MRTFA: variants seen among roughly 807,000 people sequenced by gnomAD.
MRTFA encodes the protein myocardin related transcription factor A.
Under a neutral mutation model 83.5 loss-of-function variants are expected in MRTFA, and 20 were observed. The ratio of observed to expected loss-of-function variants is 0.24; its 90% CI spans 0.17 to 0.35. The LOEUF (loss-of-function observed/expected upper bound fraction) is 0.35, where lower values mean the gene tolerates loss of function less well. Among genes scored for constraint, MRTFA ranks in the 10% least tolerant of loss-of-function variants. MRTFA has a pLI of 1.00. For synonymous variants in MRTFA, 659 were observed against 541.2 expected (o/e 1.22, Z -3.02); for missense variants, 1,200 against 1,224.7 (o/e 0.98, Z 0.30).
chr22:40,524,754 C>T (rs963599463), intron 3 of MRTFA, among the ~76,000 whole-genome samples: 3 of 152,166 alleles, frequency 2.0e-5, no homozygotes, highest in African/African-American at 7.2e-5. Context: ...CTGTACCTAC[C>T]TGTGTATGTG....
chr22:40,419,462 G>A (rs1602209667), intron 11 of MRTFA, 78 bp from the exon 12 acceptor site: 4 of 1,318,278 alleles, frequency 3.0e-6, no homozygotes, highest in East Asian at 2.3e-5. Flanking sequence ...GGGCAGTCTG[G>A]GCCCCATGGG....
chr22:40,516,656 C>T (rs891366921), intron 3 of MRTFA, among the ~76,000 whole-genome samples: 10 of 152,000 alleles, frequency 6.6e-5, no homozygotes, highest in African/African-American at 2.2e-4. Flanking sequence ...TGGCAAGACA[C>T]GCTAGAAGTT....
At chr22:40,628,556 G>A (rs1020155147) in intron 1 of MRTFA, among the ~76,000 whole-genome samples, 5 of 151,792 alleles carry the variant, frequency 3.3e-5, no homozygotes, top group African/African-American at 1.2e-4. Flanking sequence ...CTCATTACAA[G>A]CTCTCATTTA....
chr22:40,445,204 GAACA>G (rs1371475208), intron 4 of MRTFA, among the ~76,000 whole-genome samples: 1 of 152,110 alleles, frequency 6.6e-6, no homozygotes, highest in Non-Finnish European at 1.5e-5. Context: ...AACACTGAAA[GAACA>G]AATAATGAAC....
intron 3 of MRTFA, among the ~76,000 whole-genome samples, chr22:40,489,927 G>A (rs376046739): frequency 7.1e-4 from 94 of 132,562 alleles, no homozygotes; most frequent in African/African-American, 2.4e-3. Context: ...GGCAGAGATC[G>A]CGCCACTGCA....
chr22:40,451,286 T>C (rs1190080215), intron 4 of MRTFA, among the ~76,000 whole-genome samples: 1 of 152,132 alleles, frequency 6.6e-6, no homozygotes, highest in African/African-American at 2.4e-5. Flanking sequence ...CTGACCATGA[T>C]AAATGAGCAC....
chr22:40,604,767 T>A (rs2056300147), intron 1 of MRTFA, among the ~76,000 whole-genome samples: 2 of 151,938 alleles, frequency 1.3e-5, no homozygotes, highest in Non-Finnish European at 2.9e-5. Context: ...AAAAAAGAGA[T>A]ACCTAAATTC....
At chr22:40,423,107 C>A (rs1227614310) in intron 9 of MRTFA, among the ~76,000 whole-genome samples, 4 of 152,238 alleles carry the variant, frequency 2.6e-5, no homozygotes, top group Non-Finnish European at 4.4e-5. Flanking sequence ...ACAGTGGTAA[C>A]CCCCGCCTCC....
chr22:40,578,852 A>T (rs2055906950), intron 2 of MRTFA, among the ~76,000 whole-genome samples: 1 of 150,250 alleles, frequency 6.7e-6, no homozygotes. Context: ...GAGCCCAGGA[A>T]GTCAAGGCTG....
chr22:40,590,680 G>GAAAAAAAAAAAAAAAAAAAAAAAA (rs56366993), intron 2 of MRTFA, among the ~76,000 whole-genome samples: 2 of 81,362 alleles, frequency 2.5e-5, no homozygotes, highest in Admixed American at 1.4e-4. Context: ...CTCAAAAAAA[G>GAAAAAAAAAAAAAAAAAAAAAAAA]AAAAAAAAAA....
At chr22:40,545,433 C>CTT (rs1193828918) in intron 3 of MRTFA, among the ~76,000 whole-genome samples, 2 of 142,952 alleles carry the variant, frequency 1.4e-5, no homozygotes, top group Non-Finnish European at 3.1e-5. Flanking sequence ...CACTGAATTC[C>CTT]TTTTTTTTTT....
Position 40,416,971 on chromosome 22 carries a change from G to A in MRTFA, c.2578+15C>T. 6.3e-7 allele frequency: 1 copy of A among 1,588,166 alleles called. No homozygotes were observed. The highest frequency in any genetic ancestry group is 8.6e-7 in the Non-Finnish European group (1 of 1,166,996). ...GAGAAGGCCGTCAGGGAGGCAGCAG[G>A]GGACCTGGGGTTACCTCCGCTCTGA... On this transcript the variant is annotated intron_variant, in intron 14 of 14. Transcript: ENST00000355630. The surrounding 1 kb of genome is among the most constrained non-coding windows in gnomAD (Gnocchi z 4.2).
chr22:40,496,539 G>A (rs1427462510), intron 3 of MRTFA, among the ~76,000 whole-genome samples: 2 of 145,948 alleles, frequency 1.4e-5, no homozygotes, highest in Non-Finnish European at 3.0e-5. Flanking sequence ...GCTGAGTCAG[G>A]AGTCCTGGTT....
chr22:40,618,904 T>A (rs1298826952), intron 1 of MRTFA, among the ~76,000 whole-genome samples: 1 of 151,774 alleles, frequency 6.6e-6, no homozygotes, highest in Non-Finnish European at 1.5e-5. Flanking sequence ...GAGGTTTCAG[T>A]GAGCCAAGAC....
intron 3 of MRTFA, among the ~76,000 whole-genome samples, chr22:40,485,085 AAT>A (rs1198230809): frequency 4.7e-4 from 72 of 152,146 alleles, no homozygotes; most frequent in Middle Eastern, 3.4e-3. Flanking sequence ...AAAAAAAAAA[AAT>A]CTAAAAGAAT....
chr22:40,449,081 T>C (rs1180157860), intron 4 of MRTFA, among the ~76,000 whole-genome samples: 4 of 151,882 alleles, frequency 2.6e-5, no homozygotes, highest in African/African-American at 9.7e-5. Flanking sequence ...CCGGCTAAAA[T>C]AGTGAAACCC....
intron 3 of MRTFA, among the ~76,000 whole-genome samples, chr22:40,508,918 G>A (rs2054625010): frequency 6.6e-6 from 1 of 151,642 alleles, no homozygotes; most frequent in African/African-American, 2.4e-5. Context: ...CTTTTAACAA[G>A]GTGCTGGTAT....
intron 3 of MRTFA, among the ~76,000 whole-genome samples, chr22:40,514,740 A>T (rs959326242): frequency 2.2e-4 from 34 of 151,772 alleles, no homozygotes; most frequent in African/African-American, 7.5e-4. Flanking sequence ...TCGGCCTCCC[A>T]AAGTGCTGAG....
At chr22:40,492,164 C>T (rs1165687948) in intron 3 of MRTFA, among the ~76,000 whole-genome samples, 1 of 152,096 alleles carries the variant, frequency 6.6e-6, no homozygotes, top group Non-Finnish European at 1.5e-5. Flanking sequence ...TGCAATAAAC[C>T]ACTCTTCCTT....
Sources: gnomAD v4.1 joint callset for allele counts (sites outside exome capture counted in the v4.1 genomes callset) on GRCh38, gnomAD v4.1.1 for gene constraint, Gnocchi (gnomAD v3.1) non-coding constraint, MANE v1.5 for transcripts, NCBI Gene and HGNC (gene_info 2026-07-23, HGNC 2026-07-21) for gene names.